RBFOX1: variants seen among roughly 807,000 people sequenced by gnomAD.
RBFOX1 encodes the protein RNA binding fox-1 homolog 1, also known as RNA binding protein fox-1 homolog 1.
Under a neutral mutation model 57.7 loss-of-function variants are expected in RBFOX1, and 8 were observed. The observed-to-expected ratio is 0.14, with a 90% confidence interval of 0.08 to 0.25. The LOEUF (loss-of-function observed/expected upper bound fraction) is 0.25, where lower values mean the gene tolerates loss of function less well. RBFOX1 is among the 10% of genes least tolerant of loss of function. The probability of loss-of-function intolerance (pLI) is 1.00; values close to 1 mark genes in which losing one functional copy is unlikely to be tolerated. For missense variants in RBFOX1, 611 were observed against 548.5 expected, an observed-to-expected ratio of 1.11 and a Z score of -1.14; for synonymous variants, 326 against 222.4, an observed-to-expected ratio of 1.47 and a Z score of -4.15.
chr16:6,588,263 C>T (rs1308885360), intron 2 of RBFOX1, among the ~76,000 whole-genome samples: 10 of 151,734 alleles, frequency 6.6e-5, no homozygotes, highest in Admixed American at 6.6e-4. Flanking sequence ...TTTTGCTATA[C>T]AGCCACAAAA....
At chr16:5,794,833 T>C (rs1341215601) in intron 3 of RBFOX1, among the ~76,000 whole-genome samples, 1 of 152,218 alleles carries the variant, frequency 6.6e-6, no homozygotes, top group East Asian at 1.9e-4. Context: ...GCATCTCTTA[T>C]GTATTAGCCG....
intron 1 of RBFOX1, among the ~76,000 whole-genome samples, chr16:5,446,689 TA>T (rs1420487683): frequency 2.0e-5 from 3 of 152,008 alleles, no homozygotes; most frequent in Middle Eastern, 6.3e-3. Flanking sequence ...GAAGACCCTG[TA>T]GGAAGTATTG....
chr16:6,896,448 C>T (rs1342747294), intron 3 of RBFOX1, among the ~76,000 whole-genome samples: 1 of 152,082 alleles, frequency 6.6e-6, no homozygotes, highest in Non-Finnish European at 1.5e-5. Context: ...GGTAACTATC[C>T]TTCTACTGTC....
At chr16:6,158,391 A>C (rs2096853711) in intron 1 of RBFOX1, among the ~76,000 whole-genome samples, 1 of 152,176 alleles carries the variant, frequency 6.6e-6, no homozygotes, top group Middle Eastern at 3.2e-3. Flanking sequence ...AGTGAAGGAA[A>C]TAATGGCAGC....
intron 4 of RBFOX1, among the ~76,000 whole-genome samples, chr16:7,141,821 C>T (rs532766593): frequency 6.6e-6 from 1 of 152,252 alleles, no homozygotes; most frequent in East Asian, 1.9e-4. Flanking sequence ...CCGCACCAGC[C>T]TTCTGACTGG....
chr16:6,512,614 G>T (rs891274443), intron 2 of RBFOX1, among the ~76,000 whole-genome samples: 8 of 152,136 alleles, frequency 5.3e-5, no homozygotes, highest in African/African-American at 1.4e-4. Context: ...CCTAGGAAAT[G>T]TTACACATTT....
chr16:6,145,132 C>T (rs1433536488), intron 1 of RBFOX1, among the ~76,000 whole-genome samples: 1 of 151,890 alleles, frequency 6.6e-6, no homozygotes, highest in Non-Finnish European at 1.5e-5. Flanking sequence ...ATTTCATCAC[C>T]TAGGTATTAA....
At chr16:5,565,269 G>A (rs773526215) in intron 2 of RBFOX1, among the ~76,000 whole-genome samples, 8 of 152,134 alleles carry the variant, frequency 5.3e-5, no homozygotes, top group Non-Finnish European at 1.2e-4. Flanking sequence ...GTGTGTGTGT[G>A]CGTGTGTGCA....
chr16:7,688,477 A>G (rs2076605844), intron 14 of RBFOX1, among the ~76,000 whole-genome samples: 2 of 151,988 alleles, frequency 1.3e-5, no homozygotes, highest in African/African-American at 4.8e-5. Flanking sequence ...GCCCGCACCA[A>G]AAGTTTTCTC....
chr16:6,958,175 A>T (rs773588417), intron 3 of RBFOX1, among the ~76,000 whole-genome samples: 1 of 152,136 alleles, frequency 6.6e-6, no homozygotes, highest in African/African-American at 2.4e-5. Context: ...TTAATATGGG[A>T]GGGCTGCAAA....
chr16:6,009,651 C>T (rs1409921675), intron 4 of RBFOX1, among the ~76,000 whole-genome samples: 1 of 152,090 alleles, frequency 6.6e-6, no homozygotes, highest in Non-Finnish European at 1.5e-5. Context: ...AGGGAAATAT[C>T]CATGCACAAA....
At chr16:6,591,225 C>T in intron 2 of RBFOX1, among the ~76,000 whole-genome samples, 1 of 152,102 alleles carries the variant, frequency 6.6e-6, no homozygotes, top group East Asian at 1.9e-4. Flanking sequence ...GAGGGTGGAT[C>T]ACTTGAGGCC....
intron 3 of RBFOX1, among the ~76,000 whole-genome samples, chr16:6,770,296 T>C (rs2078069950): frequency 6.6e-6 from 1 of 152,180 alleles, no homozygotes; most frequent in East Asian, 1.9e-4. Context: ...CCAAATCCAG[T>C]AGCAATTGAA....
At chr16:7,268,106 A>G (rs1198915037) in intron 4 of RBFOX1, among the ~76,000 whole-genome samples, 1 of 152,158 alleles carries the variant, frequency 6.6e-6, no homozygotes, top group Non-Finnish European at 1.5e-5. Flanking sequence ...TGAATATGGT[A>G]GGCATGTGTA....
chr16:7,475,212 G>C (rs7499059), intron 4 of RBFOX1, among the ~76,000 whole-genome samples: 151,021 of 152,240 alleles, frequency 0.99, 74,928 homozygotes, highest in East Asian at 1. Flanking sequence ...GGAGATTATT[G>C]AAGAACAAAA....
intron 4 of RBFOX1, among the ~76,000 whole-genome samples, chr16:7,217,144 G>T (rs113688215): frequency 6.8e-6 from 1 of 147,038 alleles, no homozygotes; most frequent in Non-Finnish European, 1.5e-5. Flanking sequence ...TTGCTCTGTC[G>T]CTCAGGGTGG....
intron 4 of RBFOX1, among the ~76,000 whole-genome samples, chr16:7,143,426 A>G (rs934587863): frequency 6.6e-6 from 1 of 152,158 alleles, no homozygotes; most frequent in South Asian, 2.1e-4. Flanking sequence ...TTATTAGTCA[A>G]TTTAAAATAA....
At chr16:7,553,870 C>T (rs149255732) in intron 5 of RBFOX1, among the ~76,000 whole-genome samples, 2 of 152,332 alleles carry the variant, frequency 1.3e-5, no homozygotes, top group African/African-American at 4.8e-5. Context: ...TCTAGGCTGT[C>T]AGCCTGGCAG....
Position 5,997,841 on chromosome 16 carries a change from GTTTAC to G in RBFOX1, c.351+130515_351+130519del, listed in dbSNP as rs529916874. Among the ~76,000 whole-genome samples, 79 of 151,310 alleles carry G rather than the reference GTTTAC, an allele frequency of 5.2e-4. 1 individual carries two copies. The highest frequency in any genetic ancestry group is 3.8e-3 in the Admixed American group (58 of 15,120). On this transcript the variant is annotated intron_variant, in intron 4 of 19. Coordinates refer to the RBFOX1 transcript ENST00000641259. ...ATGTAGTTTAATGCCTGTACATTTAGTTTACTTTACTTTTTTTTTATTTGCTGATA... is the reference window on the plus strand; with the variant it reads ...ATGTAGTTTAATGCCTGTACATTTAGTTTACTTTTTTTTTATTTGCTGATA...
Sources: allele counts gnomAD v4.1 joint callset (sites outside exome capture counted in the v4.1 genomes callset), GRCh38; gene constraint gnomAD v4.1.1; transcripts MANE v1.5; gene names NCBI Gene and HGNC (gene_info 2026-07-23, HGNC 2026-07-21).